The following EYS variants were observed in gnomAD, a reference collection of about 807,000 sequenced individuals.
The protein encoded by EYS is protein eyes shut homolog.
EYS carries 250 observed loss-of-function variants against 282.1 expected under a neutral mutation model. That is an observed-to-expected ratio of 0.89 (90% CI 0.80 to 0.98). The LOEUF is 0.98. Among genes scored for constraint, EYS ranks in the 50% least tolerant of loss-of-function variants. The pLI is 0.00. For missense variants in EYS, 4,016 were observed against 3,709.0 expected (o/e 1.08, Z -2.15); for synonymous variants, 1,355 against 1,282.9 (o/e 1.06, Z -1.20).
intron 18 of EYS, among the ~76,000 whole-genome samples, chr6:64,896,608 A>G (rs909194650): frequency 6.0e-5 from 9 of 148,968 alleles, no homozygotes; most frequent in Admixed American, 4.0e-4. Context: ...AGAACCCTTC[A>G]CTCCGATGGA....
chr6:64,029,599 T>C (rs1401349409), intron 33 of EYS, among the ~76,000 whole-genome samples: 1 of 152,198 alleles, frequency 6.6e-6, no homozygotes, highest in Non-Finnish European at 1.5e-5. Flanking sequence ...CAAATTATAG[T>C]CCAGACTTAT....
intron 13 of EYS, among the ~76,000 whole-genome samples, chr6:65,009,644 C>T (rs2092928): frequency 0.068 from 10,311 of 152,218 alleles, 441 homozygotes; most frequent in East Asian, 0.13. Flanking sequence ...AATTCTCATA[C>T]CTGGACACTC....
chr6:64,759,033 G>T (rs1000948828), intron 22 of EYS, among the ~76,000 whole-genome samples: 8 of 152,160 alleles, frequency 5.3e-5, no homozygotes, highest in African/African-American at 1.9e-4. Context: ...CAGCTACTCG[G>T]GAGGCTGAGG....
intron 22 of EYS, among the ~76,000 whole-genome samples, chr6:64,650,394 C>A (rs1383216185): frequency 1.3e-5 from 2 of 151,788 alleles, no homozygotes; most frequent in Non-Finnish European, 2.9e-5. Flanking sequence ...ATCCCTTGAA[C>A]AATGAGTAGA....
At chr6:64,105,920 T>G (rs1362675640) in intron 31 of EYS, among the ~76,000 whole-genome samples, 2 of 152,192 alleles carry the variant, frequency 1.3e-5, no homozygotes, top group Non-Finnish European at 2.9e-5. Flanking sequence ...TCCATCTCCT[T>G]ACTTTTAAGC....
intron 35 of EYS, among the ~76,000 whole-genome samples, chr6:63,971,093 C>T (rs1766549447): frequency 6.6e-6 from 1 of 152,152 alleles, no homozygotes. Context: ...CTCATTTCTA[C>T]TGGACAAAAA....
intron 26 of EYS, among the ~76,000 whole-genome samples, chr6:64,579,211 TG>T (rs1324668213): frequency 6.6e-6 from 1 of 152,130 alleles, no homozygotes; most frequent in Non-Finnish European, 1.5e-5. Flanking sequence ...GAGTGAGAGA[TG>T]CTCTTCACTA....
chr6:64,362,265 C>T (rs1479338460), intron 29 of EYS, among the ~76,000 whole-genome samples: 2 of 151,564 alleles, frequency 1.3e-5, no homozygotes, highest in African/African-American at 4.8e-5. Flanking sequence ...AATAACTAAA[C>T]GTAAGTATAG....
intron 31 of EYS, among the ~76,000 whole-genome samples, chr6:64,130,483 G>A (rs529140579): frequency 6.6e-6 from 1 of 152,102 alleles, no homozygotes; most frequent in Non-Finnish European, 1.5e-5. Flanking sequence ...CCTGTTGTGG[G>A]GTGCAGGGGG....
rs550374911 is a variant in EYS, at chr6:64,704,466, A to C, written c.3444-78221T>G. On this transcript the variant is annotated intron_variant, in intron 22 of 42. Coordinates refer to ENST00000503581, the MANE Select transcript of EYS (RefSeq NM_001142800.2). ...CTATATTATAATATAATTATAATAT[A>C]ATACTTATAATTATATTATAATTAT... 4.8e-3 allele frequency among the ~76,000 whole-genome samples: 220 copies of C among 46,240 alleles called. 1 individual carries two copies. The highest frequency in any genetic ancestry group is 0.014 in the African/African-American group (212 of 15,362). 30.3% of individuals were successfully genotyped at this position (46,240 alleles called of 152,430 possible).
chr6:64,009,221 G>A (rs746521211), intron 33 of EYS, among the ~76,000 whole-genome samples: 1 of 150,502 alleles, frequency 6.6e-6, no homozygotes. Context: ...ACTGGTCTTC[G>A]AGCTCTGAGA....
chr6:64,303,847 A>AAAAAAC (rs1276204012), intron 30 of EYS, among the ~76,000 whole-genome samples: 1 of 151,226 alleles, frequency 6.6e-6, no homozygotes, highest in African/African-American at 2.4e-5. Flanking sequence ...TCTCAAAAAA[A>AAAAAAC]AAAAAAAAAA....
chr6:63,751,528 T>G (rs1368712151), intron 41 of EYS, among the ~76,000 whole-genome samples: 1 of 152,202 alleles, frequency 6.6e-6, no homozygotes, highest in Non-Finnish European at 1.5e-5. Context: ...TCTAATAGAT[T>G]AAAAAGAACT....
At chr6:65,424,165 G>C (rs1767577372) in intron 5 of EYS, among the ~76,000 whole-genome samples, 1 of 151,866 alleles carries the variant, frequency 6.6e-6, no homozygotes, top group Non-Finnish European at 1.5e-5. Flanking sequence ...AGTTTTACTT[G>C]CTTCTTTCTT....
intron 5 of EYS, among the ~76,000 whole-genome samples, chr6:65,479,788 C>CA: frequency 6.6e-6 from 1 of 152,170 alleles, no homozygotes; most frequent in East Asian, 1.9e-4. Flanking sequence ...ACAAAACATA[C>CA]AAAATGTGTT....
chr6:64,151,364 AT>A (rs1210742884), intron 31 of EYS, among the ~76,000 whole-genome samples: 12 of 36,448 alleles, frequency 3.3e-4, no homozygotes, highest in East Asian at 7.5e-4. Flanking sequence ...TATATATATA[AT>A]TTTTTTTTTC....
chr6:64,453,091 A>T (rs1208945861), intron 26 of EYS, among the ~76,000 whole-genome samples: 1 of 152,204 alleles, frequency 6.6e-6, no homozygotes, highest in African/African-American at 2.4e-5. Flanking sequence ...AATGGGAGAA[A>T]ATTTTTGCAA....
At chr6:64,557,455 A>G (rs2149809512) in intron 26 of EYS, among the ~76,000 whole-genome samples, 1 of 152,162 alleles carries the variant, frequency 6.6e-6, no homozygotes. Flanking sequence ...AGAGAAAATT[A>G]CTGAATTGTC....
At chr6:65,439,469 T>C (rs1562182276) in intron 5 of EYS, among the ~76,000 whole-genome samples, 1 of 152,162 alleles carries the variant, frequency 6.6e-6, no homozygotes, top group African/African-American at 2.4e-5. Flanking sequence ...TATTGATTCG[T>C]CCTATCCATG....
Sources: gnomAD v4.1 joint callset for allele counts (sites outside exome capture counted in the v4.1 genomes callset) on GRCh38, gnomAD v4.1.1 for gene constraint, MANE v1.5 for transcripts, NCBI Gene and HGNC (gene_info 2026-07-23, HGNC 2026-07-21) for gene names.